The following TESK2 variants were observed in gnomAD, a reference collection of about 807,000 sequenced individuals.
TESK2 encodes dual specificity testis-specific protein kinase 2.
A neutral mutation model predicts 57.1 loss-of-function variants in TESK2; 39 were observed. That is an observed-to-expected ratio of 0.68 (90% CI 0.53 to 0.89). The LOEUF (loss-of-function observed/expected upper bound fraction) is 0.89, where lower values mean the gene tolerates loss of function less well. TESK2 is among the 40% of genes least tolerant of loss of function. TESK2 has a pLI of 0.00. For synonymous variants in TESK2, 249 were observed against 267.9 expected, an observed-to-expected ratio of 0.93 and a Z score of 0.69; for missense variants, 646 against 732.1, an observed-to-expected ratio of 0.88 and a Z score of 1.36.
At chr1:45,451,061 G>A (rs187605844) in intron 2 of TESK2, among the ~76,000 whole-genome samples, 52 of 152,302 alleles carry the variant, frequency 3.4e-4, no homozygotes, top group East Asian at 2.7e-3. Context: ...TCAGGCAGGC[G>A]TCAGATGTCC....
chr1:45,399,324 T>A (rs1028796323), intron 3 of TESK2, among the ~76,000 whole-genome samples: 2 of 151,128 alleles, frequency 1.3e-5, no homozygotes, highest in Non-Finnish European at 3.0e-5. Context: ...AATTTTTGTA[T>A]TTTTTTTGAG....
intron 1 of TESK2, among the ~76,000 whole-genome samples, chr1:45,476,273 C>T (rs958117949): frequency 2.7e-5 from 4 of 150,154 alleles, no homozygotes; most frequent in Admixed American, 6.7e-5. Context: ...TTGGGAGGCC[C>T]GAGGCAGGTG....
chr1:45,365,549 C>T (rs954208483), intron 4 of TESK2, among the ~76,000 whole-genome samples: 5 of 151,916 alleles, frequency 3.3e-5, no homozygotes, highest in African/African-American at 7.3e-5. Flanking sequence ...AAGTTTCCCT[C>T]GTTGCCCAGG....
At chr1:45,384,606 T>TA in intron 4 of TESK2, among the ~76,000 whole-genome samples, 1 of 125,542 alleles carries the variant, frequency 8.0e-6, no homozygotes, top group African/African-American at 3.3e-5. Context: ...TTTTTTTTTT[T>TA]TTTTTTTTTT....
At chr1:45,370,317 C>G (rs1370997524) in intron 4 of TESK2, among the ~76,000 whole-genome samples, 2 of 152,120 alleles carry the variant, frequency 1.3e-5, no homozygotes, top group East Asian at 1.9e-4. Context: ...TGCATCTCAC[C>G]TAAGACTTTA....
At chr1:45,366,976 A>C (rs1438212136) in intron 4 of TESK2, among the ~76,000 whole-genome samples, 1 of 152,034 alleles carries the variant, frequency 6.6e-6, no homozygotes, top group East Asian at 1.9e-4. Context: ...TCTGCAAAAA[A>C]TACAAAAATT....
intron 1 of TESK2, among the ~76,000 whole-genome samples, chr1:45,484,800 G>A (rs1233173128): frequency 6.6e-6 from 1 of 151,568 alleles, no homozygotes; most frequent in African/African-American, 2.4e-5. Flanking sequence ...GGGAGGCCGA[G>A]GCGGGTAGAT....
At chr1:45,377,987 C>T (rs1648506972) in intron 4 of TESK2, among the ~76,000 whole-genome samples, 1 of 151,922 alleles carries the variant, frequency 6.6e-6, no homozygotes, top group Non-Finnish European at 1.5e-5. Context: ...GATGGTGCCA[C>T]TGCACTCCAG....
At chr1:45,477,890 C>T (rs1653065604) in intron 1 of TESK2, among the ~76,000 whole-genome samples, 1 of 152,166 alleles carries the variant, frequency 6.6e-6, no homozygotes, top group African/African-American at 2.4e-5. Context: ...TCTGCCTCAG[C>T]TTATATGATG....
In TESK2 at chr1:45,382,722, T is replaced by C. The variant is rs568809525; in HGVS notation, c.393+3190A>G. 4.6e-5 allele frequency among the ~76,000 whole-genome samples: 7 copies of C among 152,126 alleles called. No homozygotes were observed. In the East Asian group the frequency reaches 1.2e-3, roughly 25 times the overall value. Reference sequence around the variant, plus strand: ...CCCGTCTCTACTAAAAATACAAAATTAGCCGGTCATGGTGGCGCATGCCTG... The same window carrying C: ...CCCGTCTCTACTAAAAATACAAAATCAGCCGGTCATGGTGGCGCATGCCTG... On this transcript the variant is annotated intron_variant, in intron 4 of 10. Transcript: ENST00000372086.
chr1:45,419,327 G>A (rs540730532), intron 3 of TESK2, among the ~76,000 whole-genome samples: 1 of 152,168 alleles, frequency 6.6e-6, no homozygotes, highest in African/African-American at 2.4e-5. Context: ...GAACTCCTAA[G>A]GCACTTAAGA....
rs188676380 is a variant in TESK2 at position 45,431,386 on chromosome 1, C to T, written c.223-9540G>A. ...TGAGCCAAGATTGTGCCACTGCACT[C>T]CAGCCTGGGCAATAGAGCGAGAACC... On this transcript the variant is annotated intron_variant, in intron 2 of 10. Transcript: ENST00000372086. 2.5e-4 allele frequency among the ~76,000 whole-genome samples: 38 copies of T among 152,026 alleles called. No individual in the cohort carries two copies. The East Asian group carries it at 6.4e-3, about 26-fold the overall frequency.
chr1:45,344,084 A>G lies in TESK2; in HGVS notation c.*756T>C, dbSNP rs1212485303. On this transcript the variant is annotated 3_prime_UTR_variant, in exon 11 of 11. Coordinates refer to ENST00000372086, the MANE Select transcript of TESK2 (RefSeq NM_007170.3). The stretch of plus-strand genomic sequence containing the variant: ...AAGCAAATCAGTCCCTGTATAAACC[A>G]TTTAACCAATTGAATGTATCACATG... 5.2e-6 allele frequency: 1 copy of G among 194,102 alleles called. No homozygotes were observed. The highest frequency in any genetic ancestry group is 1.2e-4 in the East Asian group (1 of 8,382). 12.0% of individuals were successfully genotyped at this position (194,102 alleles called of 1,614,324 possible). A position where few individuals can be genotyped will look rare whatever the true frequency, so the allele number is the denominator to read the frequency against.
chr1:45,451,532 G>A (rs1364501402), intron 2 of TESK2, among the ~76,000 whole-genome samples: 1 of 152,194 alleles, frequency 6.6e-6, no homozygotes, highest in East Asian at 1.9e-4. Context: ...AAGGTAGGGT[G>A]GTACCCGGGG....
At position 45,345,860 on chromosome 1, in the gene TESK2, C is replaced by T; in HGVS notation, c.997+17G>A. ...CTCCCTTAGGGTTAGGTTGGGCTCC[C>T]TGGTCTAATCTCTTACCCCTGGCTG... On this transcript the variant is annotated intron_variant, in intron 10 of 10. Coordinates refer to ENST00000372086, the MANE Select transcript of TESK2 (RefSeq NM_007170.3). 1.9e-6 allele frequency: 3 copies of T among 1,604,898 alleles called. No individual in the cohort carries two copies. The highest frequency in any genetic ancestry group is 2.6e-6 in the Non-Finnish European group (3 of 1,172,160).
intron 5 of TESK2, among the ~76,000 whole-genome samples, chr1:45,352,119 T>C (rs1015056527): frequency 1.3e-5 from 2 of 152,182 alleles, no homozygotes; most frequent in Non-Finnish European, 2.9e-5. Flanking sequence ...ACAGACGGTA[T>C]CTCAAATTGG....
intron 1 of TESK2, among the ~76,000 whole-genome samples, chr1:45,472,032 A>ACC (rs1365757805): frequency 5.3e-5 from 8 of 150,546 alleles, no homozygotes; most frequent in East Asian, 2.0e-4. Context: ...CGGGTGGATC[A>ACC]TGAGGTCAGG....
intron 2 of TESK2, among the ~76,000 whole-genome samples, chr1:45,440,514 G>A (rs1195310898): frequency 6.6e-6 from 1 of 151,916 alleles, no homozygotes; most frequent in Non-Finnish European, 1.5e-5. Context: ...AGGAGTTCAA[G>A]ACCAGCCTGG....
chr1:45,397,643 C>T (rs55812863), intron 3 of TESK2, among the ~76,000 whole-genome samples: 7,567 of 152,174 alleles, frequency 0.05, 665 homozygotes, highest in African/African-American at 0.17. Context: ...GAGCCAGCAC[C>T]GCCTGCAGGC....
Sources: allele counts gnomAD v4.1 joint callset (sites outside exome capture counted in the v4.1 genomes callset), GRCh38; gene constraint gnomAD v4.1.1; transcripts MANE v1.5; gene names NCBI Gene and HGNC (gene_info 2026-07-23, HGNC 2026-07-21).